ADAM33: variants seen among roughly 807,000 people sequenced by gnomAD.
ADAM33 encodes the protein disintegrin and metalloproteinase domain-containing protein 33.
Under a neutral mutation model 106.2 loss-of-function variants are expected in ADAM33, and 103 were observed. The observed-to-expected ratio is 0.97, with a 90% CI of 0.83 to 1.14. The LOEUF is 1.14. Ranked by LOEUF, ADAM33 falls within the 50% of genes most tolerant of loss-of-function variation. ADAM33 has a pLI of 0.00. For synonymous variants in ADAM33, 483 were observed against 453.0 expected, an observed-to-expected ratio of 1.07 and a Z score of -0.84; for missense variants, 1,120 against 1,096.6, an observed-to-expected ratio of 1.02 and a Z score of -0.30.
At chr20:3,679,998 C>A (rs1479483281) in intron 1 of ADAM33, among the ~76,000 whole-genome samples, 2 of 152,156 alleles carry the variant, frequency 1.3e-5, no homozygotes, top group Non-Finnish European at 2.9e-5. Flanking sequence ...CCCCCCCCAT[C>A]ATCTGAGAAA....
At chr20:3,672,468 TTAAC>T (rs1306595484) in intron 13 of ADAM33, 65 bp downstream of exon 13, 3 of 1,589,556 alleles carry the variant, frequency 1.9e-6, no homozygotes, top group Non-Finnish European at 2.6e-6. Flanking sequence ...AGGGCACCAA[TTAAC>T]TAAGGCCAAC....
chr20:3,678,171 G>A (rs1481827545), intron 2 of ADAM33, among the ~76,000 whole-genome samples: 1 of 152,262 alleles, frequency 6.6e-6, no homozygotes, highest in East Asian at 1.9e-4. Context: ...CATACTCGAG[G>A]TCCCTGTTCC....
At position 3,674,289 on chromosome 20, in the gene ADAM33, G is replaced by A. The variant is rs778433844; in HGVS notation, c.601-5C>T. 59 of 1,613,674 alleles carry A rather than the reference G, an allele frequency of 3.7e-5. No individual in the cohort carries two copies. The East Asian group carries it at 1.2e-3, about 32-fold the overall frequency. On this transcript the variant is annotated splice_polypyrimidine_tract_variant and splice_region_variant and intron_variant, in intron 6 of 21. Coordinates refer to ENST00000356518, the MANE Select transcript of ADAM33 (RefSeq NM_025220.5). Reference sequence around the variant, plus strand: ...CCTGCGCGCTTCTCGCCTGCCCTGCGGAGGTGCAAATGGGGACCCTGAGTG... The same window carrying A: ...CCTGCGCGCTTCTCGCCTGCCCTGCAGAGGTGCAAATGGGGACCCTGAGTG...
intron 2 of ADAM33, among the ~76,000 whole-genome samples, chr20:3,678,270 C>G (rs2088149646): frequency 6.6e-6 from 1 of 152,260 alleles, no homozygotes; most frequent in South Asian, 2.1e-4. Flanking sequence ...GTGTTTCCTG[C>G]CTTTTGGAGG....
At position 3,673,276 on chromosome 20, in the gene ADAM33, G is replaced by C. The variant is rs749632127; in HGVS notation, c.1133+78C>G. ...CCATTTTACAGAAGAGGAAACTGAG[G>C]GACGACCAAAGAAACGCAGCGGAGG... On this transcript the variant is annotated intron_variant, in intron 11 of 21. Transcript: ENST00000356518. 6.5e-6 allele frequency: 10 copies of C among 1,534,164 alleles called. No individual in the cohort carries two copies. In the African/African-American group the frequency reaches 1.4e-4, roughly 21 times the overall value.
chr20:3,669,195 A>C (rs2087365848), intron 21 of ADAM33, 104 bp downstream of exon 21: 1 of 1,075,688 alleles, frequency 9.3e-7, no homozygotes, highest in Non-Finnish European at 1.3e-6. Flanking sequence ...TTCCATAATA[A>C]CCTGAGCCCA....
chr20:3,678,444 C>T (rs780294090), intron 2 of ADAM33, among the ~76,000 whole-genome samples: 11 of 152,164 alleles, frequency 7.2e-5, no homozygotes, highest in Non-Finnish European at 1.6e-4. Context: ...CAGTGTGTGT[C>T]CAGCCTTCCC....
chr20:3,672,358 C>CAG lies in ADAM33; in HGVS notation c.1402-31_1402-30dup, dbSNP rs767119399. 5.6e-6 allele frequency: 9 copies of CAG among 1,606,054 alleles called. No individual in the cohort carries two copies. The Admixed American group carries it at 1.3e-4, about 24-fold the overall frequency. On this transcript the variant is annotated intron_variant, in intron 13 of 21. Transcript: ENST00000356518. ...CGCAGGTGACGGGTGGTGGGGAAGG[C>CAG]AGAGAGAGGCCACGTGCAGTGAGAG...
chr20:3,671,556 G>A lies in ADAM33; in HGVS notation c.1905+25C>T, dbSNP rs372086708. 878 of 1,609,020 alleles carry A rather than the reference G, an allele frequency of 5.5e-4. 9 individuals are homozygous for A. The South Asian group carries it at 8.6e-3, about 16-fold the overall frequency. On this transcript the variant is annotated intron_variant, in intron 16 of 21. Transcript: ENST00000356518. ...TGGCCTGCGGGATTCAAACGGCAAG[G>A]AGGGGTCGGGTGGGCAGAGCTCACC...
rs765981324 is a variant in ADAM33, at chr20:3,673,370, T to TGACGCAGCCTCCGGACTCG, written c.1098_1116dup (p.Met373ArgfsTer66). ...CCCGCGTACCCGGTGGCCGCAGCCA[T>TGACGCAGCCTCCGGACTCG]GACGCAGCCTCCGGACTCGGCCGCA... On this transcript the variant is annotated frameshift_variant, in exon 11 of 22. Transcript: ENST00000356518. LOFTEE classifies it high-confidence loss of function. 3 of 1,540,552 alleles carry TGACGCAGCCTCCGGACTCG rather than the reference T, an allele frequency of 1.9e-6. No individual in the cohort carries two copies. The highest frequency in any genetic ancestry group is 2.4e-5 in the South Asian group (2 of 84,352).
At chr20:3,680,951 G>A (rs994008003) in intron 1 of ADAM33, among the ~76,000 whole-genome samples, 12 of 152,126 alleles carry the variant, frequency 7.9e-5, no homozygotes, top group African/African-American at 2.2e-4. Context: ...GCACATAGAC[G>A]CCCCTCTCCC....
chr20:3,668,803 G>T lies in ADAM33; in HGVS notation c.*160C>A. The T allele has an allele frequency of 1.2e-6, 1 of 817,156 alleles. No individual in the cohort carries two copies. The highest frequency in any genetic ancestry group is 2.1e-6 in the Non-Finnish European group (1 of 481,552). 50.6% of individuals were successfully genotyped at this position (817,156 alleles called of 1,614,324 possible). A position where few individuals can be genotyped will look rare whatever the true frequency, so the allele number is the denominator to read the frequency against. On this transcript the variant is annotated 3_prime_UTR_variant, in exon 22 of 22. Transcript: ENST00000356518. The stretch of plus-strand genomic sequence containing the variant: ...CTTCTAATGTGGCTCTGGGTTCCTG[G>T]AGTGGGTGGGTCGAAGCTCCACTCG...
intron 19 of ADAM33, chr20:3,670,086 C>T: frequency 3.8e-6 from 1 of 263,964 alleles, no homozygotes; most frequent in Non-Finnish European, 7.4e-6. Context: ...TCCTTCAAAA[C>T]ATTCTCCCCT....
Position 3,668,804 on chromosome 20 carries a change from A to G in ADAM33, c.*159T>C. ...TTCTAATGTGGCTCTGGGTTCCTGG[A>G]GTGGGTGGGTCGAAGCTCCACTCGG... On this transcript the variant is annotated 3_prime_UTR_variant, in exon 22 of 22. Coordinates refer to ENST00000356518, the MANE Select transcript of ADAM33 (RefSeq NM_025220.5). 1.2e-6 allele frequency: 1 copy of G among 818,340 alleles called. No homozygotes were observed. Among genetic ancestry groups the G allele is most frequent in the Non-Finnish European group, 2.1e-6 (1 of 482,534 alleles). The allele number at this position is 818,340 out of a possible 1,614,324, so 50.7% of individuals were successfully genotyped here. A position where few individuals can be genotyped will look rare whatever the true frequency, so the allele number is the denominator to read the frequency against.
At chr20:3,680,631 G>C (rs1483716639) in intron 1 of ADAM33, among the ~76,000 whole-genome samples, 2 of 152,154 alleles carry the variant, frequency 1.3e-5, no homozygotes, top group Non-Finnish European at 2.9e-5. Context: ...GGAGGGCTCT[G>C]AGTGGATGTG....
At position 3,668,129 on chromosome 20, in the gene ADAM33, AC is replaced by A. The variant is rs1474007194; in HGVS notation, c.*833del. 6.6e-6 allele frequency: 1 copy of A among 152,454 alleles called. No homozygotes were observed. The highest frequency in any genetic ancestry group is 1.5e-5 in the Non-Finnish European group (1 of 68,320). 9.4% of individuals were successfully genotyped at this position (152,454 alleles called of 1,614,324 possible). A position where few individuals can be genotyped will look rare whatever the true frequency, so the allele number is the denominator to read the frequency against. ...GCAGCTAGGCCTACAGGTACACACCACCACGCCCAGCTAATTTTAAAATTTT... is the reference window on the plus strand; with the variant it reads ...GCAGCTAGGCCTACAGGTACACACCACACGCCCAGCTAATTTTAAAATTTT... On this transcript the variant is annotated 3_prime_UTR_variant, in exon 22 of 22. Transcript: ENST00000356518.
chr20:3,681,975 C>A lies in ADAM33; in HGVS notation c.30G>T (p.Gly10=). ...GTAGTAGCAGCAGCAGCAACGGGGT[C>A]CCCCGAGCTCTCCGGGGCCTCCAGC... The part of the protein sequence containing the change: MGWRPRRAR[G]TPLLLLLLLL... Residue 10 remains glycine (G), a synonymous_variant, in exon 1 of 22, where the codon GGG becomes GGT. Transcript: ENST00000356518. 6.5e-7 allele frequency: 1 copy of A among 1,544,652 alleles called. No homozygotes were observed. The highest frequency in any genetic ancestry group is 8.7e-7 in the Non-Finnish European group (1 of 1,145,384).
intron 8 of ADAM33, 26 bp downstream of exon 8, chr20:3,674,038 A>C: frequency 6.2e-7 from 1 of 1,612,876 alleles, no homozygotes; most frequent in South Asian, 1.1e-5. Context: ...CACCCCCATC[A>C]CCGCTCTCTC....
chr20:3,668,808 G>T lies in ADAM33; in HGVS notation c.*155C>A. ...AATGTGGCTCTGGGTTCCTGGAGTG[G>T]GTGGGTCGAAGCTCCACTCGGGGAA... On this transcript the variant is annotated 3_prime_UTR_variant, in exon 22 of 22. Coordinates refer to ENST00000356518, the MANE Select transcript of ADAM33 (RefSeq NM_025220.5). 1 of 855,708 alleles carries T rather than the reference G, an allele frequency of 1.2e-6. No individual in the cohort carries two copies. 53.0% of individuals were successfully genotyped at this position (855,708 alleles called of 1,614,324 possible). A position where few individuals can be genotyped will look rare whatever the true frequency, so the allele number is the denominator to read the frequency against.
Sources: gnomAD v4.1 joint callset for allele counts (sites outside exome capture counted in the v4.1 genomes callset) on GRCh38, gnomAD v4.1.1 for gene constraint, MANE v1.5 for transcripts, NCBI Gene and HGNC (gene_info 2026-07-23, HGNC 2026-07-21) for gene names.